MACROD2: variants seen among roughly 807,000 people sequenced by gnomAD.
MACROD2 encodes the protein mono-ADP ribosylhydrolase 2, also known as ADP-ribose glycohydrolase MACROD2.
MACROD2 carries 36 observed loss-of-function variants against 70.4 expected under a neutral mutation model. That is an observed-to-expected ratio of 0.51 (90% confidence interval 0.39 to 0.68). The LOEUF (loss-of-function observed/expected upper bound fraction) is 0.68. Among genes scored for constraint, MACROD2 ranks in the 30% least tolerant of loss-of-function variants. The pLI is 0.00. For synonymous variants in MACROD2, 172 were observed against 178.8 expected (o/e 0.96, Z 0.30); for missense variants, 496 against 538.4 (o/e 0.92, Z 0.78).
intron 5 of MACROD2, among the ~76,000 whole-genome samples, chr20:15,020,735 C>G (rs912914010): frequency 1.3e-5 from 2 of 151,954 alleles, no homozygotes; most frequent in Non-Finnish European, 2.9e-5. Context: ...TAGGCACATA[C>G]AACACAATGT....
In MACROD2 at chr20:14,863,598, T is replaced by C. The variant is rs373197939; in HGVS notation, c.418+178639T>C. On this transcript the variant is annotated intron_variant, in intron 5 of 17. Transcript: ENST00000684519. ...CCAGAAAAATATAGTTACATAAATG[T>C]GAGTTTCCAAATTGTAAAGAAGAAA... is the stretch of plus-strand genomic sequence containing the variant. Among the ~76,000 whole-genome samples, 8 of 152,158 alleles carry C rather than the reference T, an allele frequency of 5.3e-5. No homozygotes were observed. The East Asian group carries it at 1.5e-3, about 29-fold the overall frequency.
intron 2 of MACROD2, among the ~76,000 whole-genome samples, chr20:14,059,359 C>T (rs1035557009): frequency 6.6e-6 from 1 of 152,196 alleles, no homozygotes; most frequent in East Asian, 1.9e-4. Context: ...AAGCACCAGA[C>T]ACTGTCCTAG....
chr20:16,027,197 G>T (rs953149914), intron 15 of MACROD2, among the ~76,000 whole-genome samples: 3 of 152,146 alleles, frequency 2.0e-5, no homozygotes, highest in Admixed American at 1.3e-4. Context: ...AATGGAATTA[G>T]CTTAGCAGAA....
At chr20:15,415,263 G>T (rs901000327) in intron 6 of MACROD2, among the ~76,000 whole-genome samples, 4 of 152,230 alleles carry the variant, frequency 2.6e-5, no homozygotes, top group African/African-American at 7.2e-5. Flanking sequence ...ACATTTTGTA[G>T]GGTGGGGAAA....
intron 3 of MACROD2, among the ~76,000 whole-genome samples, chr20:14,141,937 G>C (rs1369650310): frequency 1.3e-5 from 2 of 151,936 alleles, no homozygotes; most frequent in African/African-American, 2.4e-5. Context: ...CTGTGTGCCA[G>C]GTCCTGTTCT....
intron 12 of MACROD2, among the ~76,000 whole-genome samples, chr20:15,962,262 T>A (rs947395661): frequency 3.9e-5 from 6 of 152,200 alleles, no homozygotes; most frequent in African/African-American, 1.4e-4. Flanking sequence ...TACAAAGAAG[T>A]GTTGCTGGAA....
intron 5 of MACROD2, among the ~76,000 whole-genome samples, chr20:15,220,516 A>G (rs548397689): frequency 1.4e-4 from 22 of 152,244 alleles, no homozygotes; most frequent in Non-Finnish European, 3.2e-4. Flanking sequence ...ATGATAGGGC[A>G]TTCCCTGCTG....
chr20:14,418,834 C>G, intron 3 of MACROD2, among the ~76,000 whole-genome samples: 1 of 152,168 alleles, frequency 6.6e-6, no homozygotes, highest in African/African-American at 2.4e-5. Context: ...TGAGGTCCAA[C>G]TTTCATTTTG....
chr20:15,066,707 C>T (rs958001542), intron 5 of MACROD2, among the ~76,000 whole-genome samples: 1 of 151,658 alleles, frequency 6.6e-6, no homozygotes, highest in East Asian at 2.0e-4. Flanking sequence ...TGGTGAAACC[C>T]CATCTCTACT....
chr20:15,131,213 A>C (rs1390234917), intron 5 of MACROD2, among the ~76,000 whole-genome samples: 1 of 152,168 alleles, frequency 6.6e-6, no homozygotes, highest in Non-Finnish European at 1.5e-5. Context: ...GCAAATTAAG[A>C]AAATAAAATG....
chr20:15,106,106 T>C (rs1488061877), intron 5 of MACROD2, among the ~76,000 whole-genome samples: 2 of 152,192 alleles, frequency 1.3e-5, no homozygotes, highest in Admixed American at 6.5e-5. Context: ...TTTGTCAATA[T>C]ATAATATGCT....
intron 4 of MACROD2, among the ~76,000 whole-genome samples, chr20:14,532,830 C>T (rs890769772): frequency 6.6e-6 from 1 of 152,130 alleles, no homozygotes; most frequent in Non-Finnish European, 1.5e-5. Context: ...TTCAAGTAAT[C>T]CCTGGGTGAT....
chr20:15,122,705 T>C (rs2076039457), intron 5 of MACROD2, among the ~76,000 whole-genome samples: 2 of 152,184 alleles, frequency 1.3e-5, no homozygotes, highest in Non-Finnish European at 2.9e-5. Context: ...CTCTCATTAC[T>C]TCTCTGGCAG....
At chr20:14,174,890 T>C (rs1411016912) in intron 3 of MACROD2, among the ~76,000 whole-genome samples, 2 of 152,226 alleles carry the variant, frequency 1.3e-5, no homozygotes, top group Non-Finnish European at 2.9e-5. Flanking sequence ...TTTCACTCAG[T>C]TCTCTAAATT....
At chr20:15,131,379 A>G (rs570313822) in intron 5 of MACROD2, among the ~76,000 whole-genome samples, 23 of 152,282 alleles carry the variant, frequency 1.5e-4, no homozygotes, top group African/African-American at 5.5e-4. Context: ...CTTTTGCACC[A>G]AATTAATATA....
intron 5 of MACROD2, among the ~76,000 whole-genome samples, chr20:14,702,399 C>G (rs2071206768): frequency 6.6e-6 from 1 of 151,460 alleles, no homozygotes; most frequent in Non-Finnish European, 1.5e-5. Context: ...GTAAATCCTT[C>G]CAGACTGTGT....
rs2073334466 is a variant in MACROD2 at position 14,862,066 on chromosome 20, T to TATATAAAA, written c.418+177112_418+177113insAAAATATA. On this transcript the variant is annotated intron_variant, in intron 5 of 17. Transcript: ENST00000684519. ...ATATATATATTTATATATATATAAATATATATAAATATATAAATATATATA... is the reference window on the plus strand; with the variant it reads ...ATATATATATTTATATATATATAAATATATAAAAATATATAAATATATAAATATATATA... Among the ~76,000 whole-genome samples the TATATAAAA allele has an allele frequency of 2.9e-3, 78 of 26,468 alleles. 12 individuals are homozygous for TATATAAAA. The highest frequency in any genetic ancestry group is 4.4e-3 in the Non-Finnish European group (67 of 15,102). 17.4% of individuals were successfully genotyped at this position (26,468 alleles called of 152,430 possible).
intron 5 of MACROD2, among the ~76,000 whole-genome samples, chr20:14,690,297 T>A (rs2123608698): frequency 6.6e-6 from 1 of 152,288 alleles, no homozygotes; most frequent in Non-Finnish European, 1.5e-5. Flanking sequence ...CATCAAGGGG[T>A]AATATTGACT....
chr20:14,210,759 C>G (rs2081564157), intron 3 of MACROD2, among the ~76,000 whole-genome samples: 1 of 152,092 alleles, frequency 6.6e-6, no homozygotes, highest in African/African-American at 2.4e-5. Context: ...AAATTGTAAC[C>G]TGTGCCCAAT....
Sources: gnomAD v4.1 joint callset for allele counts (sites outside exome capture counted in the v4.1 genomes callset) on GRCh38, gnomAD v4.1.1 for gene constraint, MANE v1.5 for transcripts, NCBI Gene and HGNC (gene_info 2026-07-23, HGNC 2026-07-21) for gene names.